CMYA5: variants seen among roughly 807,000 people sequenced by gnomAD.
CMYA5 encodes cardiomyopathy-associated protein 5.
CMYA5 carries 246 observed loss-of-function variants against 318.9 expected under a neutral mutation model. The observed-to-expected ratio is 0.77, with a 90% CI of 0.70 to 0.86. CMYA5 has a LOEUF of 0.86. CMYA5 is among the 40% of genes least tolerant of loss of function. CMYA5 has a pLI of 0.00. For missense variants in CMYA5, 4,589 were observed against 4,678.2 expected (o/e 0.98, Z 0.56); for synonymous variants, 1,641 against 1,729.5 (o/e 0.95, Z 1.27).
chr5:79,729,297 A>G lies in CMYA5; in HGVS notation c.532A>G (p.Thr178Ala). 6.2e-7 allele frequency: 1 copy of G among 1,611,098 alleles called. No individual in the cohort carries two copies. The change falls in exon 2 of 13, where the codon ACC becomes GCC. Residue 178 changes from threonine to alanine, a missense_variant. Transcript: ENST00000446378. ...SPLTSASQVL[T>A]TEKEKSYTGI... The stretch of plus-strand genomic sequence containing the variant: ...TTTAACTTCAGCAAGCCAGGTACTA[A>G]CCACGGAGAAAGAGAAGTCATATAC...
intron 11 of CMYA5, among the ~76,000 whole-genome samples, chr5:79,791,733 A>G (rs1202189609): frequency 2.1e-5 from 3 of 145,470 alleles, no homozygotes; most frequent in Admixed American, 6.9e-5. Context: ...AAAAAAAAAA[A>G]GGCATAGAAG....
intron 9 of CMYA5, among the ~76,000 whole-genome samples, chr5:79,769,328 T>G (rs1828813557): frequency 6.6e-6 from 1 of 152,026 alleles, no homozygotes; most frequent in Non-Finnish European, 1.5e-5. Flanking sequence ...CTGTCTAGTT[T>G]TGTTCCCTTG....
intron 9 of CMYA5, among the ~76,000 whole-genome samples, chr5:79,766,782 T>C (rs1199737419): frequency 6.6e-6 from 1 of 152,192 alleles, no homozygotes; most frequent in African/African-American, 2.4e-5. Context: ...TTGTTGTGTC[T>C]TTGCCAAGTT....
rs1827925550 is a variant in CMYA5 at position 79,732,137 on chromosome 5, A to G, written c.3372A>G (p.Glu1124=). Reference sequence around the variant, plus strand: ...AAGCATATTTAGAGCCTGAGTCTGAAGACTTGATTCCTTCACATTTAACCA... The same window carrying G: ...AAGCATATTTAGAGCCTGAGTCTGAGGACTTGATTCCTTCACATTTAACCA... ...KTQAYLEPES[E]DLIPSHLTSE... is the part of the protein sequence containing the mutation. The change falls in exon 2 of 13, where the codon GAA becomes GAG. Residue 1124 remains glutamate, a synonymous_variant. Coordinates refer to ENST00000446378, the MANE Select transcript of CMYA5 (RefSeq NM_153610.5). The G allele has an allele frequency of 1.2e-6, 2 of 1,613,994 alleles. No homozygotes were observed. The highest frequency in any genetic ancestry group is 1.7e-6 in the Non-Finnish European group (2 of 1,179,876).
At position 79,730,629 on chromosome 5, in the gene CMYA5, G is replaced by A; in HGVS notation, c.1864G>A (p.Glu622Lys). The A allele has an allele frequency of 1.9e-6, 3 of 1,614,020 alleles. No homozygotes were observed. The highest frequency in any genetic ancestry group is 2.5e-6 in the Non-Finnish European group (3 of 1,179,892). Residue 622 changes from glutamate (E) to lysine (K), a missense_variant, in exon 2 of 13, where the codon GAA becomes AAA. Transcript: ENST00000446378. ...TGAGCCAGTTCCCCCATCCAATGTA[G>A]AAGCTATAGCTGAACATGCAGTTTT... ...EGEPVPPSNV[E>K]AIAEHAVLSE...
In CMYA5 at chr5:79,791,000, C is replaced by T. The variant is rs747897983; in HGVS notation, c.11720C>T (p.Ala3907Val). ...GTRFLLLRET[A>V]HPALHISSSG... ...AGATTTCTCTTGTTGAGAGAAACAG[C>T]TCATCCTGCTCTACACATTTCCTCA... The change falls in exon 11 of 13, where the codon GCT (alanine) becomes GTT (valine). Residue 3907 changes from alanine to valine, a missense_variant. Ala to Val is a moderately conservative substitution (Grantham distance 64, BLOSUM62 0). Transcript: ENST00000446378. 5.6e-6 allele frequency: 9 copies of T among 1,613,746 alleles called. No homozygotes were observed. Among genetic ancestry groups the T allele is most frequent in the African/African-American group, 1.3e-5 (1 of 75,008 alleles).
chr5:79,796,927 G>A (rs930954468), intron 12 of CMYA5, among the ~76,000 whole-genome samples: 1 of 152,082 alleles, frequency 6.6e-6, no homozygotes, highest in African/African-American at 2.4e-5. Flanking sequence ...TCTCAGCTAT[G>A]CAATGTTGAT....
chr5:79,720,493 G>A (rs1178828518), intron 1 of CMYA5, among the ~76,000 whole-genome samples: 2 of 141,986 alleles, frequency 1.4e-5, no homozygotes, highest in African/African-American at 5.4e-5. Flanking sequence ...CTGGAGTGCA[G>A]TGGCACAATC....
rs1827915466 is a variant in CMYA5 at position 79,731,832 on chromosome 5, C to T, written c.3067C>T (p.Pro1023Ser). The T allele has an allele frequency of 6.2e-7, 1 of 1,612,982 alleles. No individual in the cohort carries two copies. Among genetic ancestry groups the T allele is most frequent in the Non-Finnish European group, 8.5e-7 (1 of 1,179,640 alleles). Reference sequence around the variant, plus strand: ...AGAAACAGAGAAAAATGAACTTGAGCCTGATTCACTATTAACTGCAGTGTC... The same window carrying T: ...AGAAACAGAGAAAAATGAACTTGAGTCTGATTCACTATTAACTGCAGTGTC... ...ISETEKNELE[P>S]DSLLTAVSAS... is the part of the protein sequence containing the mutation. The change falls in exon 2 of 13, where the codon CCT becomes TCT. Residue 1023 changes from proline to serine, a missense_variant. By Grantham distance (74) the Pro-to-Ser change is moderately conservative (BLOSUM62 -1). Coordinates refer to ENST00000446378, the MANE Select transcript of CMYA5 (RefSeq NM_153610.5).
intron 1 of CMYA5, among the ~76,000 whole-genome samples, chr5:79,694,490 G>A (rs1417234381): frequency 1.3e-5 from 2 of 151,898 alleles, no homozygotes; most frequent in African/African-American, 4.8e-5. Context: ...TTTTATTTTC[G>A]GTCATTCTCT....
intron 1 of CMYA5, among the ~76,000 whole-genome samples, chr5:79,711,915 A>G (rs970138807): frequency 6.6e-6 from 1 of 152,114 alleles, no homozygotes; most frequent in African/African-American, 2.4e-5. Flanking sequence ...TTCAATCACA[A>G]TTTTCAGTAT....
chr5:79,697,661 C>T (rs7714250), intron 1 of CMYA5, among the ~76,000 whole-genome samples: 24,804 of 152,196 alleles, frequency 0.16, 2,441 homozygotes, highest in East Asian at 0.36. Context: ...AGCATTCTAA[C>T]TCCAGTCTAC....
chr5:79,748,519 A>G (rs1043172098), intron 5 of CMYA5, among the ~76,000 whole-genome samples: 1 of 101,092 alleles, frequency 9.9e-6, no homozygotes, highest in African/African-American at 4.4e-5. Flanking sequence ...CTATCTATCT[A>G]CCTATCTATC....
In CMYA5 at chr5:79,695,260, A is replaced by G. The variant is rs557146235; in HGVS notation, c.149+5204A>G. 2.0e-5 allele frequency among the ~76,000 whole-genome samples: 3 copies of G among 152,338 alleles called. No individual in the cohort carries two copies. In the South Asian group the frequency reaches 6.2e-4, roughly 32 times the overall value. ...ATAACCTTTGATTTAGCCCAGCATTATCCTATAGAAATATAAGGTGAGCCA... is the reference window on the plus strand; with the variant it reads ...ATAACCTTTGATTTAGCCCAGCATTGTCCTATAGAAATATAAGGTGAGCCA... On this transcript the variant is annotated intron_variant, in intron 1 of 12. Coordinates refer to ENST00000446378, the MANE Select transcript of CMYA5 (RefSeq NM_153610.5).
intron 11 of CMYA5, among the ~76,000 whole-genome samples, chr5:79,792,887 C>T (rs138990022): frequency 1.8e-4 from 27 of 152,326 alleles, no homozygotes; most frequent in African/African-American, 4.8e-4. Flanking sequence ...GACTGTTGAC[C>T]GCTAATTATA....
At position 79,730,464 on chromosome 5, in the gene CMYA5, T is replaced by C. The variant is rs759953390; in HGVS notation, c.1699T>C (p.Leu567=). 3 of 1,613,926 alleles carry C rather than the reference T, an allele frequency of 1.9e-6. No homozygotes were observed. Among genetic ancestry groups the C allele is most frequent in the African/African-American group, 1.3e-5 (1 of 75,044 alleles). ...HKEEELILPL[L]AASSPEHVAL... The stretch of plus-strand genomic sequence containing the variant: ...AGAAGAAGAGCTTATTCTACCATTA[T>C]TGGCAGCATCATCTCCTGAACATGT... The change falls in exon 2 of 13, where the codon TTG becomes CTG. Residue 567 remains leucine, a synonymous_variant. Coordinates refer to ENST00000446378, the MANE Select transcript of CMYA5 (RefSeq NM_153610.5).
rs750671277 is a variant in CMYA5, at chr5:79,733,055, A to T, written c.4290A>T (p.Ser1430=). 1.2e-6 allele frequency: 2 copies of T among 1,613,500 alleles called. No homozygotes were observed. The highest frequency in any genetic ancestry group is 8.5e-7 in the Non-Finnish European group (1 of 1,179,694). Residue 1430 remains serine, a synonymous_variant, in exon 2 of 13, where the codon TCA becomes TCT. Transcript: ENST00000446378. ...AIKGASPIET[S]SKHLAWSEAE... ...AAGGTGCTTCTCCCATTGAAACTTC[A>T]TCCAAACATTTAGCTTGGTCAGAAG...
chr5:79,706,939 C>T (rs559999287), intron 1 of CMYA5, among the ~76,000 whole-genome samples: 1 of 152,320 alleles, frequency 6.6e-6, no homozygotes, highest in African/African-American at 2.4e-5. Context: ...TCAGCCAGCA[C>T]TCCTTACCCT....
At chr5:79,695,005 C>T (rs1297017759) in intron 1 of CMYA5, among the ~76,000 whole-genome samples, 6 of 152,180 alleles carry the variant, frequency 3.9e-5, no homozygotes, top group Non-Finnish European at 8.8e-5. Context: ...GAGTTAAACT[C>T]AGCAAGAGTT....
Sources: gnomAD v4.1 joint callset for allele counts (sites outside exome capture counted in the v4.1 genomes callset) on GRCh38, gnomAD v4.1.1 for gene constraint, MANE v1.5 for transcripts, NCBI Gene and HGNC (gene_info 2026-07-23, HGNC 2026-07-21) for gene names.